The following PRG4 variants were observed in gnomAD, a reference collection of about 807,000 sequenced individuals.
PRG4 encodes the protein articular superficial zone protein.
Under a neutral mutation model 91.2 loss-of-function variants are expected in PRG4, and 61 were observed. The ratio of observed to expected loss-of-function variants is 0.67; its 90% CI spans 0.54 to 0.83. The LOEUF (loss-of-function observed/expected upper bound fraction) is 0.83, where lower values mean the gene tolerates loss of function less well. Among genes scored for constraint, PRG4 ranks in the 40% least tolerant of loss-of-function variants. PRG4 has a pLI of 0.00. For synonymous variants in PRG4, 576 were observed against 614.2 expected, an observed-to-expected ratio of 0.94 and a Z score of 0.92; for missense variants, 1,564 against 1,714.2, an observed-to-expected ratio of 0.91 and a Z score of 1.55.
chr1:186,308,471 A>C lies in PRG4; in HGVS notation c.2752A>C (p.Lys918Gln), dbSNP rs1282160105. 6.2e-7 allele frequency: 1 copy of C among 1,613,946 alleles called. No individual in the cohort carries two copies. Among genetic ancestry groups the C allele is most frequent in the Non-Finnish European group, 8.5e-7 (1 of 1,180,040 alleles). Residue 918 changes from lysine (K) to glutamine (Q), a missense_variant, in exon 7 of 13, where the codon AAG (lysine) becomes CAG (glutamine). Lys to Gln is a moderately conservative substitution (Grantham distance 53). Around this residue, in one of 3 missense-constraint regions of PRG4, gnomAD observed 1,079 missense variants for 1,162.2 expected, o/e 0.93. Coordinates refer to ENST00000445192, the MANE Select transcript of PRG4 (RefSeq NM_005807.6). The stretch of plus-strand genomic sequence containing the variant: ...TGAAATGACTACAACAGCTAAAGAC[A>C]AGACAACAGAAAGAGACTTACGTAC... ...KPEMTTTAKD[K>Q]TTERDLRTTP...
Position 186,309,075 on chromosome 1 carries a change from C to T in PRG4, c.3356C>T (p.Thr1119Ile), listed in dbSNP as rs773137354. The stretch of plus-strand genomic sequence containing the variant: ...CCCCATGTGTTCATGCCTGAAGTTA[C>T]TCCCGACATGGATTACTTACCGAGA... ...LRPHVFMPEV[T>I]PDMDYLPRVP... Residue 1119 changes from threonine (T) to isoleucine (I), a missense_variant, in exon 7 of 13, where the codon ACT becomes ATT. By Grantham distance (89) the Thr-to-Ile change is moderately conservative. Transcript: ENST00000445192. 6.8e-6 allele frequency: 11 copies of T among 1,614,026 alleles called. No homozygotes were observed. The South Asian group carries it at 1.2e-4, about 18-fold the overall frequency.
chr1:186,300,419 C>A (rs978037008), intron 3 of PRG4, among the ~76,000 whole-genome samples: 2 of 152,120 alleles, frequency 1.3e-5, no homozygotes, highest in Non-Finnish European at 2.9e-5. Context: ...AGGATGGTGT[C>A]AAAGCTTGTG....
In PRG4 at chr1:186,308,980, AGTT is replaced by A. The variant is rs1349203291; in HGVS notation, c.3263_3265del (p.Val1088del). ...CTAACCAAACTCCAAACTCCAAACTAGTTGAAGTAAATCCAAAGAGTGAAGATG... is the reference window on the plus strand; with the variant it reads ...CTAACCAAACTCCAAACTCCAAACTAGAAGTAAATCCAAAGAGTGAAGATG... On this transcript the variant is annotated inframe_deletion, in exon 7 of 13. Transcript: ENST00000445192. 9 of 1,608,566 alleles carry A rather than the reference AGTT, an allele frequency of 5.6e-6. No individual in the cohort carries two copies. Among genetic ancestry groups the A allele is most frequent in the Non-Finnish European group, 7.6e-6 (9 of 1,177,268 alleles).
intron 12 of PRG4, 53 bp from the exon 13 acceptor site, chr1:186,313,628 A>T: frequency 9.8e-7 from 1 of 1,024,862 alleles, no homozygotes. Flanking sequence ...GTTATTTTTT[A>T]GTTTGGGCAT....
rs751539819 is a variant in PRG4, at chr1:186,309,046, C to T, written c.3327C>T (p.Leu1109=). ...AAGGAGAAACACCTCATATGCTTCT[C>T]AGGCCCCATGTGTTCATGCCTGAAG... ...GAEGETPHML[L]RPHVFMPEVT... is the part of the protein sequence containing the mutation. Residue 1109 remains leucine (L), a synonymous_variant, in exon 7 of 13, where the codon CTC becomes CTT. Coordinates refer to ENST00000445192, the MANE Select transcript of PRG4 (RefSeq NM_005807.6). 98 of 1,613,718 alleles carry T rather than the reference C, an allele frequency of 6.1e-5. No individual in the cohort carries two copies. In the Middle Eastern group the frequency reaches 9.9e-4, roughly 16 times the overall value.
Position 186,309,835 on chromosome 1 carries a change from C to T in PRG4, c.3464C>T (p.Thr1155Ile). Residue 1155 changes from threonine to isoleucine, a missense_variant, in exon 8 of 13, where the codon ACT (threonine) becomes ATT (isoleucine). Around this residue, in one of 3 missense-constraint regions of PRG4, gnomAD observed 1,079 missense variants for 1,162.2 expected, o/e 0.93. Transcript: ENST00000445192. ...ICNGKPVDGL[T>I]TLRNGTLVAF... ...AATGGTAAGCCAGTAGATGGACTGA[C>T]TACTTTGCGCAATGGGACATTAGTT... 6.2e-7 allele frequency: 1 copy of T among 1,613,798 alleles called. No homozygotes were observed. Among genetic ancestry groups the T allele is most frequent in the South Asian group, 1.1e-5 (1 of 91,070 alleles).
At position 186,308,227 on chromosome 1, in the gene PRG4, C is replaced by A. The variant is rs1656889295; in HGVS notation, c.2508C>A (p.Pro836=). ...TAPTTPKEPA[P]TTPKKPAPTT... ...CAACTACCCCCAAGGAGCCTGCACC[C>A]ACTACCCCCAAGAAGCCTGCTCCAA... The change falls in exon 7 of 13, where the codon CCC becomes CCA. Residue 836 remains proline (P), a synonymous_variant. Transcript: ENST00000445192. 6.2e-7 allele frequency: 1 copy of A among 1,612,572 alleles called. No individual in the cohort carries two copies. The highest frequency in any genetic ancestry group is 8.5e-7 in the Non-Finnish European group (1 of 1,179,528).
Position 186,304,127 on chromosome 1 carries a change from A to AAAGGT in PRG4, c.339_340insAAGGT (p.Pro114LysfsTer38). ...CCTCAGTGCATAATCCCACATCACCACCATCTTCAAAGAAAGCACCTCCAC... is the reference window on the plus strand; with the variant it reads ...CCTCAGTGCATAATCCCACATCACCAAAGGTCCATCTTCAAAGAAAGCACCTCCAC... On this transcript the variant is annotated frameshift_variant, in exon 5 of 13. Transcript: ENST00000445192. LOFTEE classifies it high-confidence loss of function. 6.2e-7 allele frequency: 1 copy of AAAGGT among 1,614,078 alleles called. No homozygotes were observed. Among genetic ancestry groups the AAAGGT allele is most frequent in the South Asian group, 1.1e-5 (1 of 91,080 alleles).
rs75928540 is a variant in PRG4 at position 186,308,395 on chromosome 1, T to C, written c.2676T>C (p.Ser892=). ...AEPTPKALEN[S]PKEPGVPTTK... ...CCACACCAAAAGCTCTTGAAAACAG[T>C]CCCAAGGAACCTGGTGTACCTACAA... Residue 892 remains serine (S), a synonymous_variant, in exon 7 of 13, where the codon AGT becomes AGC. Transcript: ENST00000445192. 23,268 of 1,613,842 alleles carry C rather than the reference T, an allele frequency of 0.014. 210 individuals are homozygous for C. The highest frequency in any genetic ancestry group is 0.024 in the South Asian group (2,204 of 91,084).
chr1:186,301,967 A>AATGTAT (rs1376564339), intron 4 of PRG4, among the ~76,000 whole-genome samples: 1 of 152,150 alleles, frequency 6.6e-6, no homozygotes, highest in African/African-American at 2.4e-5. Context: ...GATGAGGCTG[A>AATGTAT]ATGTATATGT....
intron 4 of PRG4, 102 bp from the exon 5 acceptor site, chr1:186,304,006 C>T: frequency 7.7e-7 from 1 of 1,303,962 alleles, no homozygotes; most frequent in Non-Finnish European, 1.1e-6. Context: ...CTGGCTGTCA[C>T]CAGCATCTAC....
At chr1:186,305,612 T>C (rs1431795613) in intron 6 of PRG4, among the ~76,000 whole-genome samples, 2 of 152,248 alleles carry the variant, frequency 1.3e-5, no homozygotes, top group Non-Finnish European at 2.9e-5. Context: ...CTCCGAAGCA[T>C]TCGCTCTAAA....
In PRG4 at chr1:186,306,876, C is replaced by A. The variant is rs780561717; in HGVS notation, c.1157C>A (p.Thr386Asn). Reference protein sequence around the residue: ...TTPKEPAPTTTKSAPTTPKEP... With the variant: ...TTPKEPAPTTNKSAPTTPKEP... ...CCCAAGGAGCCTGCACCCACCACCACCAAGTCTGCACCCACCACTCCCAAG... is the reference window on the plus strand; with the variant it reads ...CCCAAGGAGCCTGCACCCACCACCAACAAGTCTGCACCCACCACTCCCAAG... The change falls in exon 7 of 13, where the codon ACC becomes AAC. Residue 386 changes from threonine (T) to asparagine (N), a missense_variant. Thr to Asn is a moderately conservative substitution (Grantham distance 65). This residue lies in a region of PRG4 where 437 missense variants were observed against 459.0 expected (regional missense o/e 0.95). Transcript: ENST00000445192. The A allele has an allele frequency of 6.2e-7, 1 of 1,608,666 alleles. No individual in the cohort carries two copies. Among genetic ancestry groups the A allele is most frequent in the African/African-American group, 1.4e-5 (1 of 73,330 alleles).
intron 12 of PRG4, chr1:186,313,245 G>A (rs1657418807): frequency 3.1e-6 from 1 of 321,138 alleles, no homozygotes; most frequent in Non-Finnish European, 5.8e-6. Context: ...TGTAAGATCA[G>A]AAAGAAGTTC....
intron 10 of PRG4, 199 bp from the exon 11 acceptor site, chr1:186,311,976 A>G (rs1367822482): frequency 1.9e-5 from 11 of 576,544 alleles, no homozygotes; most frequent in Non-Finnish European, 3.3e-5. Context: ...AATTTGCTGC[A>G]TCTATTCATT....
chr1:186,313,558 T>C, intron 12 of PRG4, 123 bp from the exon 13 acceptor site: 1 of 643,292 alleles, frequency 1.6e-6, no homozygotes, highest in South Asian at 1.9e-5. Context: ...TCAAATTAAT[T>C]AGTAAAAACA....
chr1:186,306,355 T>C lies in PRG4; in HGVS notation c.636T>C (p.Pro212=). Residue 212 remains proline, a synonymous_variant, in exon 7 of 13, where the codon CCT becomes CCC. Coordinates refer to ENST00000445192, the MANE Select transcript of PRG4 (RefSeq NM_005807.6). ...DNKKNRTKKK[P]TPKPPVVDEA... is the part of the protein sequence containing the mutation. ...AGAAGAACAGAACTAAAAAGAAACC[T>C]ACCCCCAAACCACCAGTTGTAGATG... 6.2e-7 allele frequency: 1 copy of C among 1,607,424 alleles called. No homozygotes were observed. Among genetic ancestry groups the C allele is most frequent in the Non-Finnish European group, 8.5e-7 (1 of 1,178,000 alleles).
At chr1:186,302,356 ACTC>A (rs936660407) in intron 4 of PRG4, among the ~76,000 whole-genome samples, 17 of 152,142 alleles carry the variant, frequency 1.1e-4, no homozygotes, top group African/African-American at 4.1e-4. Flanking sequence ...GTCTTGAAGG[ACTC>A]CTCTAGAGTA....
In PRG4 at chr1:186,301,658, A is replaced by T; in HGVS notation, c.266A>T (p.Gln89Leu). The change falls in exon 4 of 13, where the codon CAA becomes CTA. Residue 89 changes from glutamine to leucine, a missense_variant. Gln to Leu is a moderately radical substitution (Grantham distance 113). Coordinates refer to ENST00000445192, the MANE Select transcript of PRG4 (RefSeq NM_005807.6). Reference protein sequence around the residue: ...ERGRECDCDAQCKKYDKCCPD... With the variant: ...ERGRECDCDALCKKYDKCCPD... ...GGGAGGGAGTGTGACTGCGACGCCC[A>T]ATGTAAGAAGTATGACAAGTGCTGT... 1.9e-6 allele frequency: 3 copies of T among 1,613,896 alleles called. No individual in the cohort carries two copies. The highest frequency in any genetic ancestry group is 2.5e-6 in the Non-Finnish European group (3 of 1,179,834).
Sources: allele counts gnomAD v4.1 joint callset (sites outside exome capture counted in the v4.1 genomes callset), GRCh38; gene constraint gnomAD v4.1.1; regional missense constraint gnomAD v4.1.1; transcripts MANE v1.5; gene names NCBI Gene and HGNC (gene_info 2026-07-23, HGNC 2026-07-21).